ZNF426: variants seen among roughly 807,000 people sequenced by gnomAD.
The protein encoded by ZNF426 is zinc finger protein 426, also known as CTC-543D15.7.
A neutral mutation model predicts 24.0 loss-of-function variants in ZNF426; 23 were observed. The observed-to-expected ratio is 0.96, with a 90% CI of 0.69 to 1.36. The LOEUF (loss-of-function observed/expected upper bound fraction) is 1.36, where lower values mean the gene tolerates loss of function less well. Ranked by LOEUF, ZNF426 falls within the 40% of genes most tolerant of loss-of-function variation. ZNF426 has a pLI of 0.00. For synonymous variants in ZNF426, 272 were observed against 224.6 expected (o/e 1.21, Z -1.89); for missense variants, 646 against 658.4 (o/e 0.98, Z 0.21).
chr19:9,534,080 C>G (rs1418239273), intron 4 of ZNF426, 114 bp from the exon 5 acceptor site: 14 of 1,449,996 alleles, frequency 9.7e-6, no homozygotes, highest in Non-Finnish European at 1.3e-5. Context: ...CTGCAGTGAC[C>G]AGCCCCAGGT....
Position 9,538,252 on chromosome 19 carries a change from T to C in ZNF426, c.-125+7A>G, listed in dbSNP as rs2073998190. 1 of 152,166 alleles carries C rather than the reference T, an allele frequency of 6.6e-6. No individual in the cohort carries two copies. Among genetic ancestry groups the C allele is most frequent in the Admixed American group, 6.5e-5 (1 of 15,268 alleles). 9.4% of individuals were successfully genotyped at this position (152,166 alleles called of 1,614,324 possible). On this transcript the variant is annotated splice_region_variant and intron_variant, in intron 2 of 7. Coordinates refer to ENST00000253115, the MANE Select transcript of ZNF426 (RefSeq NM_024106.3). ...CCCCCTAGAACCAACTTTCACCCAG[T>C]GCTCACCGGAACACTCAGAAATCGC...
At position 9,529,008 on chromosome 19, in the gene ZNF426, G is replaced by C. The variant is rs920609146; in HGVS notation, c.1037C>G (p.Thr346Ser). ...ATGCATACTAAGGCCCGAGTACTGA[G>C]TGAAGGCTTTCCCACATTCCTTACA... ...YVCKECGKAFTQYSGLSMHVR... is the reference protein window; with the variant it reads ...YVCKECGKAFSQYSGLSMHVR... The change falls in exon 8 of 8, where the codon ACT becomes AGT. Residue 346 changes from threonine to serine, a missense_variant. Physicochemically the swap from Thr to Ser is moderately conservative, Grantham distance 58. Transcript: ENST00000253115. 1.9e-5 allele frequency: 31 copies of C among 1,613,288 alleles called. No homozygotes were observed. The African/African-American group carries it at 3.1e-4, about 16-fold the overall frequency.
At position 9,528,347 on chromosome 19, in the gene ZNF426, C is replaced by A; in HGVS notation, c.*33G>T. ...TAAAGTGAACTGGAACAAATGAGAG[C>A]TTTCCCACATTTATTACATGGACAG... On this transcript the variant is annotated 3_prime_UTR_variant, in exon 8 of 8. Coordinates refer to ENST00000253115, the MANE Select transcript of ZNF426 (RefSeq NM_024106.3). 6.5e-7 allele frequency: 1 copy of A among 1,535,454 alleles called. No homozygotes were observed. The highest frequency in any genetic ancestry group is 1.4e-5 in the African/African-American group (1 of 72,318).
intron 6 of ZNF426, among the ~76,000 whole-genome samples, chr19:9,532,225 G>C (rs1293910018): frequency 1.3e-5 from 2 of 151,434 alleles, no homozygotes; most frequent in Non-Finnish European, 2.9e-5. Flanking sequence ...ACTGAGAATG[G>C]TGAGAAATTT....
intron 5 of ZNF426, 44 bp from the exon 6 acceptor site, chr19:9,532,969 G>T: frequency 6.7e-7 from 1 of 1,492,718 alleles, no homozygotes; most frequent in Non-Finnish European, 9.3e-7. Context: ...TCATAAAAAA[G>T]ATTACAAACC....
chr19:9,531,067 C>T lies in ZNF426; in HGVS notation c.326G>A (p.Gly109Glu), dbSNP rs200749170. 17 of 1,613,546 alleles carry T rather than the reference C, an allele frequency of 1.1e-5. No homozygotes were observed. The highest frequency in any genetic ancestry group is 1.4e-5 in the Non-Finnish European group (16 of 1,179,490). Residue 109 changes from glycine to glutamate, a missense_variant and splice_region_variant, in exon 7 of 8, where the codon GGA becomes GAA. Gly to Glu is a moderately conservative substitution (Grantham distance 98, BLOSUM62 -2). Transcript: ENST00000253115. The stretch of plus-strand genomic sequence containing the variant: ...CTGGGTTTCAAGTCGCATTTCCCAT[C>T]CTGAAATAAAACAGACAAACAAATA... ...SRTVQGGVLQ[G>E]WEMRLETQWS... is the part of the protein sequence containing the mutation.
chr19:9,535,676 T>A (rs1015860862), intron 3 of ZNF426, among the ~76,000 whole-genome samples: 1 of 106,480 alleles, frequency 9.4e-6, no homozygotes, highest in South Asian at 3.2e-4. Context: ...TACAAAAAAA[T>A]TTTTTTAATC....
rs768361381 is a variant in ZNF426 at position 9,528,724 on chromosome 19, T to C, written c.1321A>G (p.Thr441Ala). 2.5e-6 allele frequency: 4 copies of C among 1,614,188 alleles called. No individual in the cohort carries two copies. The South Asian group carries it at 3.3e-5, about 13-fold the overall frequency. ...GTGTATGGTTTCTGGGCACTGTGCG[T>C]TCGCATGTGATTATTAAGACATGAG... ...YPSCLNNHMRTHSAQKPYTCK... is the reference protein window; with the variant it reads ...YPSCLNNHMRAHSAQKPYTCK... The change falls in exon 8 of 8, where the codon ACG (threonine) becomes GCG (alanine). Residue 441 changes from threonine to alanine, a missense_variant. Physicochemically the swap from Thr to Ala is moderately conservative, Grantham distance 58 (BLOSUM62 0). Coordinates refer to ENST00000253115, the MANE Select transcript of ZNF426 (RefSeq NM_024106.3).
At chr19:9,532,558 A>G (rs1464432628) in intron 6 of ZNF426, among the ~76,000 whole-genome samples, 2 of 151,926 alleles carry the variant, frequency 1.3e-5, no homozygotes, top group African/African-American at 2.4e-5. Flanking sequence ...AGGCCTCCCA[A>G]TGTGTGGGGA....
intron 2 of ZNF426, among the ~76,000 whole-genome samples, chr19:9,537,537 G>A (rs2073986325): frequency 1.4e-5 from 2 of 146,066 alleles, no homozygotes; most frequent in Admixed American, 1.4e-4. Flanking sequence ...AGATCTTCCT[G>A]CCTCAGCCTC....
chr19:9,537,140 T>A (rs73002184), intron 2 of ZNF426, among the ~76,000 whole-genome samples: 18,660 of 134,992 alleles, frequency 0.14, 1,336 homozygotes, highest in African/African-American at 0.29. Flanking sequence ...AAAAAAAAAA[T>A]AATAATAATA....
At chr19:9,532,000 C>G (rs1398890837) in intron 6 of ZNF426, among the ~76,000 whole-genome samples, 1 of 152,012 alleles carries the variant, frequency 6.6e-6, no homozygotes, top group Non-Finnish European at 1.5e-5. Flanking sequence ...ACAAAACAAA[C>G]AAACAAAAGC....
In ZNF426 at chr19:9,536,315, G is replaced by C. The variant is rs369186969; in HGVS notation, c.-83C>G. ...GACACCTCATTAATCTAAATGGACA[G>C]TGGCAATCTCCATTCCTCTTTAAAC... is the stretch of plus-strand genomic sequence containing the variant. On this transcript the variant is annotated 5_prime_UTR_variant, in exon 3 of 8. Transcript: ENST00000253115. The C allele has an allele frequency of 6.2e-7, 1 of 1,613,172 alleles. No individual in the cohort carries two copies. The highest frequency in any genetic ancestry group is 8.5e-7 in the Non-Finnish European group (1 of 1,179,616).
Position 9,529,020 on chromosome 19 carries a change from C to G in ZNF426, c.1025G>C (p.Gly342Ala). 1 of 1,613,774 alleles carries G rather than the reference C, an allele frequency of 6.2e-7. No homozygotes were observed. Among genetic ancestry groups the G allele is most frequent in the Non-Finnish European group, 8.5e-7 (1 of 1,179,802 alleles). Residue 342 changes from glycine (G) to alanine (A), a missense_variant, in exon 8 of 8, where the codon GGG becomes GCG. By Grantham distance (60) the Gly-to-Ala change is moderately conservative. Coordinates refer to ENST00000253115, the MANE Select transcript of ZNF426 (RefSeq NM_024106.3). ...GEKPYVCKEC[G>A]KAFTQYSGLS... is the part of the protein sequence containing the mutation. ...GCCCGAGTACTGAGTGAAGGCTTTC[C>G]CACATTCCTTACATACATAGGGTTT... is the stretch of plus-strand genomic sequence containing the variant.
chr19:9,534,738 T>C (rs2144776736), intron 4 of ZNF426, among the ~76,000 whole-genome samples: 1 of 152,100 alleles, frequency 6.6e-6, no homozygotes, highest in South Asian at 2.1e-4. Context: ...GGGAGTCCAG[T>C]CATGTACCAC....
chr19:9,530,211 G>A (rs2073861952), intron 7 of ZNF426, among the ~76,000 whole-genome samples: 1 of 152,088 alleles, frequency 6.6e-6, no homozygotes, highest in African/African-American at 2.4e-5. Flanking sequence ...CCAGCATTTT[G>A]GGAGGCAAAG....
At chr19:9,536,495 G>A in intron 2 of ZNF426, 139 bp from the exon 3 acceptor site, 1 of 698,018 alleles carries the variant, frequency 1.4e-6, no homozygotes, top group South Asian at 2.0e-5. Flanking sequence ...CAGCCTAGAA[G>A]TTTGAGACCA....
chr19:9,536,399 C>T, intron 2 of ZNF426, 43 bp from the exon 3 acceptor site: 1 of 1,519,508 alleles, frequency 6.6e-7, no homozygotes, highest in Non-Finnish European at 8.8e-7. Context: ...ACTTAATCAT[C>T]AGCCATCAAA....
At chr19:9,536,857 G>A (rs909595922) in intron 2 of ZNF426, among the ~76,000 whole-genome samples, 1 of 151,726 alleles carries the variant, frequency 6.6e-6, no homozygotes, top group Non-Finnish European at 1.5e-5. Context: ...TTATTTGGCT[G>A]GGCAGGGTGG....
Sources: allele counts gnomAD v4.1 joint callset (sites outside exome capture counted in the v4.1 genomes callset), GRCh38; gene constraint gnomAD v4.1.1; transcripts MANE v1.5; gene names NCBI Gene and HGNC (gene_info 2026-07-23, HGNC 2026-07-21).